Variants in TDRD9 observed in about 807,000 individuals in gnomAD.
TDRD9 encodes ATP-dependent RNA helicase TDRD9.
A neutral mutation model predicts 172.6 loss-of-function variants in TDRD9; 124 were observed. That is an observed-to-expected ratio of 0.72 (90% CI 0.62 to 0.83). TDRD9 has a LOEUF of 0.83. Ranked by LOEUF, TDRD9 falls within the 40% of genes least tolerant of loss-of-function variation. The pLI is 0.00. For missense variants in TDRD9, 1,479 were observed against 1,714.1 expected, an observed-to-expected ratio of 0.86 and a Z score of 2.42; for synonymous variants, 619 against 617.1, an observed-to-expected ratio of 1.00 and a Z score of -0.05.
intron 23 of TDRD9, among the ~76,000 whole-genome samples, chr14:104,021,092 T>C (rs2034940070): frequency 6.6e-6 from 1 of 152,186 alleles, no homozygotes; most frequent in Non-Finnish European, 1.5e-5. Context: ...TATAGGCTGC[T>C]GCTTCTGGGG....
chr14:103,955,993 C>T (rs1044939898), intron 2 of TDRD9, among the ~76,000 whole-genome samples: 16 of 144,724 alleles, frequency 1.1e-4, no homozygotes, highest in Non-Finnish European at 1.5e-4. Flanking sequence ...ATCTGTAATC[C>T]CAGCTACTCG....
At position 104,005,425 on chromosome 14, in the gene TDRD9, AGTACT is replaced by A; in HGVS notation, c.1713+23_1713+27del. On this transcript the variant is annotated intron_variant, in intron 15 of 35. Transcript: ENST00000409874. ...AAGGAGGTAGGACTGCCTGCTGGTT[AGTACT>A]GTTGGCATCTGTAGAGCTGTGTTCT... 1 of 1,613,626 alleles carries A rather than the reference AGTACT, an allele frequency of 6.2e-7. No individual in the cohort carries two copies. The highest frequency in any genetic ancestry group is 8.5e-7 in the Non-Finnish European group (1 of 1,179,680).
At chr14:103,941,324 G>T in intron 1 of TDRD9, 1 of 1,148,944 alleles carries the variant, frequency 8.7e-7, no homozygotes, top group Non-Finnish European at 1.2e-6. Flanking sequence ...ATAGAATACA[G>T]TTTCTAGTCA....
intron 20 of TDRD9, among the ~76,000 whole-genome samples, chr14:104,012,088 T>TA (rs1329527245): frequency 2.0e-5 from 3 of 152,222 alleles, no homozygotes; most frequent in Non-Finnish European, 4.4e-5. Flanking sequence ...CCTGGGTTTT[T>TA]ATTGAGCACT....
At chr14:103,973,979 C>T (rs1307804798) in intron 6 of TDRD9, among the ~76,000 whole-genome samples, 2 of 152,176 alleles carry the variant, frequency 1.3e-5, no homozygotes, top group Non-Finnish European at 2.9e-5. Flanking sequence ...GGGCAGATCG[C>T]CTGAGCTCAC....
At chr14:103,950,548 C>T (rs1399435970) in intron 1 of TDRD9, among the ~76,000 whole-genome samples, 2 of 152,104 alleles carry the variant, frequency 1.3e-5, no homozygotes, top group East Asian at 3.8e-4. Flanking sequence ...AGGAAGATGA[C>T]GCCAGGTCTA....
At chr14:104,019,345 C>CT (rs910268286) in intron 23 of TDRD9, among the ~76,000 whole-genome samples, 6 of 151,750 alleles carry the variant, frequency 4.0e-5, no homozygotes, top group African/African-American at 7.3e-5. Flanking sequence ...TTGCCTGGGA[C>CT]TTTTTTTTGT....
chr14:103,955,393 C>T (rs1204860073), intron 1 of TDRD9, among the ~76,000 whole-genome samples: 6 of 152,130 alleles, frequency 3.9e-5, no homozygotes, highest in Admixed American at 6.5e-5. Flanking sequence ...AACTACCCTT[C>T]AGAATAAGTG....
intron 20 of TDRD9, among the ~76,000 whole-genome samples, chr14:104,009,653 TA>T (rs551872167): frequency 1.9e-3 from 287 of 152,266 alleles, no homozygotes; most frequent in African/African-American, 3.6e-3. Context: ...ACTTTTTAAT[TA>T]AAAAAAATTT....
Position 103,966,801 on chromosome 14 carries a change from G to A in TDRD9, c.735G>A (p.Leu245=). ...AGAAAATAGTTAGTGCCAAGAGTTT[G>A]ATGGAATTCACACATATCATCATTG... The part of the protein sequence containing the change: ...LLQKIVSAKS[L]MEFTHIIIDE... The change falls in exon 5 of 36, where the codon TTG becomes TTA. Residue 245 remains leucine (L), a synonymous_variant. Coordinates refer to ENST00000409874, the MANE Select transcript of TDRD9 (RefSeq NM_153046.3). The A allele has an allele frequency of 6.4e-7, 1 of 1,550,878 alleles. No homozygotes were observed. Among genetic ancestry groups the A allele is most frequent in the Non-Finnish European group, 8.7e-7 (1 of 1,146,674 alleles).
intron 27 of TDRD9, among the ~76,000 whole-genome samples, 166 bp downstream of exon 27, chr14:104,026,302 T>C (rs2035116729): frequency 6.6e-6 from 1 of 152,316 alleles, no homozygotes; most frequent in East Asian, 1.9e-4. Flanking sequence ...GTTTCTGCTC[T>C]TCCAAAAATA....
intron 13 of TDRD9, among the ~76,000 whole-genome samples, chr14:103,999,159 G>A (rs557868570): frequency 3.3e-5 from 5 of 152,170 alleles, no homozygotes; most frequent in African/African-American, 7.2e-5. Context: ...TTCTTGGAAC[G>A]AGTTTTAAGT....
chr14:103,932,947 G>A (rs547890255), intron 1 of TDRD9, among the ~76,000 whole-genome samples: 150 of 152,196 alleles, frequency 9.9e-4, no homozygotes, highest in Non-Finnish European at 1.6e-4. Flanking sequence ...AGGTAGTTCA[G>A]ACAAGAATTG....
At chr14:104,042,439 A>T (rs2035637278) in intron 34 of TDRD9, among the ~76,000 whole-genome samples, 1 of 151,978 alleles carries the variant, frequency 6.6e-6, no homozygotes, top group Non-Finnish European at 1.5e-5. Flanking sequence ...CACAGTGGGT[A>T]ATGTGTCACC....
intron 5 of TDRD9, among the ~76,000 whole-genome samples, chr14:103,967,998 C>A (rs2152147218): frequency 6.6e-6 from 1 of 152,332 alleles, no homozygotes; most frequent in African/African-American, 2.4e-5. Flanking sequence ...TTGCTGGGTT[C>A]ATCCCTGGGT....
At chr14:103,994,732 G>A in intron 11 of TDRD9, 129 bp downstream of exon 11, 1 of 694,084 alleles carries the variant, frequency 1.4e-6, no homozygotes, top group Non-Finnish European at 2.4e-6. Context: ...AGGCTGAGGT[G>A]GGTGAATCAT....
At chr14:103,998,475 G>A in intron 12 of TDRD9, 149 bp from the exon 13 acceptor site, 1 of 580,326 alleles carries the variant, frequency 1.7e-6, no homozygotes, top group Non-Finnish European at 3.1e-6. Flanking sequence ...TCCTGGGCGG[G>A]AGTGGTCGGT....
At chr14:103,995,926 A>G in intron 12 of TDRD9, 119 bp downstream of exon 12, 2 of 895,930 alleles carry the variant, frequency 2.2e-6, no homozygotes, top group East Asian at 2.7e-5. Flanking sequence ...TTTGGAACAC[A>G]GAATTGAGAA....
At chr14:103,973,365 C>T (rs905184700) in intron 6 of TDRD9, among the ~76,000 whole-genome samples, 4 of 152,194 alleles carry the variant, frequency 2.6e-5, no homozygotes, top group African/African-American at 9.6e-5. Context: ...AAGGCCTCCC[C>T]TTTCCTCTCC....
Sources: allele counts gnomAD v4.1 joint callset (sites outside exome capture counted in the v4.1 genomes callset), GRCh38; gene constraint gnomAD v4.1.1; transcripts MANE v1.5; gene names NCBI Gene and HGNC (gene_info 2026-07-23, HGNC 2026-07-21).